Variants in FAM222A observed in about 807,000 individuals in gnomAD.
FAM222A encodes family with sequence similarity 222 member A.
Under a neutral mutation model 25.8 loss-of-function variants are expected in FAM222A, and 7 were observed. The ratio of observed to expected loss-of-function variants is 0.27; its 90% CI spans 0.15 to 0.51. The LOEUF is 0.51. Among genes scored for constraint, FAM222A ranks in the 20% least tolerant of loss-of-function variants. FAM222A has a pLI of 0.97. For synonymous variants in FAM222A, 294 were observed against 298.8 expected, an observed-to-expected ratio of 0.98 and a Z score of 0.17; for missense variants, 573 against 640.5, an observed-to-expected ratio of 0.89 and a Z score of 1.14.
intron 1 of FAM222A, chr12:109,735,562 G>T (rs962316270): frequency 6.6e-6 from 1 of 152,198 alleles, no homozygotes; most frequent in African/African-American, 2.4e-5. Flanking sequence ...GAGATACCGG[G>T]CCCCTCCCAT....
rs1296089446 is a variant in FAM222A, at chr12:109,747,656, C to T, written c.82+3428C>T. 2.0e-5 allele frequency among the ~76,000 whole-genome samples: 3 copies of T among 149,704 alleles called. No homozygotes were observed. In the Admixed American group the frequency reaches 2.0e-4, roughly 10 times the overall value. Reference sequence around the variant, plus strand: ...TTCATGTCTCTCGGGAATGTTTTAACATTTGCCTGGTTGAAATCTTCCACA... The same window carrying T: ...TTCATGTCTCTCGGGAATGTTTTAATATTTGCCTGGTTGAAATCTTCCACA... On this transcript the variant is annotated intron_variant, in intron 2 of 2. Transcript: ENST00000538780.
intron 1 of FAM222A, among the ~76,000 whole-genome samples, chr12:109,731,154 C>T (rs1204014556): frequency 1.3e-5 from 2 of 152,080 alleles, no homozygotes; most frequent in Non-Finnish European, 2.9e-5. Context: ...GGTGCTGTTT[C>T]GTCCTTCCTA....
chr12:109,744,266 C>G (rs1030836023), intron 2 of FAM222A, 38 bp downstream of exon 2: 1 of 1,589,726 alleles, frequency 6.3e-7, no homozygotes, highest in Admixed American at 1.7e-5. Flanking sequence ...CAGGGCAGGT[C>G]GTGGGCAGAG....
chr12:109,729,053 A>G (rs1384680454), intron 1 of FAM222A, among the ~76,000 whole-genome samples: 1 of 151,922 alleles, frequency 6.6e-6, no homozygotes, highest in Non-Finnish European at 1.5e-5. Flanking sequence ...TTCCAACTCC[A>G]AAGTCCCACT....
intron 2 of FAM222A, among the ~76,000 whole-genome samples, chr12:109,757,608 A>T (rs765852893): frequency 6.6e-6 from 1 of 152,246 alleles, no homozygotes; most frequent in African/African-American, 2.4e-5. Flanking sequence ...AATCCCCAGG[A>T]TAGAAAGGAT....
intron 2 of FAM222A, among the ~76,000 whole-genome samples, chr12:109,765,024 ACTT>A (rs1889003390): frequency 6.6e-6 from 1 of 151,952 alleles, no homozygotes; most frequent in Non-Finnish European, 1.5e-5. Context: ...AGAGCCACCT[ACTT>A]CTTCACTCCC....
intron 2 of FAM222A, among the ~76,000 whole-genome samples, chr12:109,766,923 T>A (rs1565849090): frequency 6.6e-6 from 1 of 152,118 alleles, no homozygotes; most frequent in Non-Finnish European, 1.5e-5. Flanking sequence ...TGAGACAAGG[T>A]CTTGCTCTAT....
At chr12:109,741,887 G>A (rs1289099191) in intron 1 of FAM222A, among the ~76,000 whole-genome samples, 1 of 152,208 alleles carries the variant, frequency 6.6e-6, no homozygotes, top group Non-Finnish European at 1.5e-5. Flanking sequence ...GTGGTGAGGG[G>A]GTAAGTGCAC....
chr12:109,744,259 G>A (rs1471713046), intron 2 of FAM222A, 31 bp downstream of exon 2: 1 of 1,597,106 alleles, frequency 6.3e-7, no homozygotes, highest in Admixed American at 1.7e-5. Context: ...GCCTTTGCAG[G>A]GCAGGTCGTG....
intron 1 of FAM222A, among the ~76,000 whole-genome samples, chr12:109,718,660 G>C (rs1025134685): frequency 4.6e-5 from 7 of 152,210 alleles, no homozygotes; most frequent in African/African-American, 1.7e-4. Flanking sequence ...TGTGCGTTGC[G>C]GGCCGCGGGA....
At chr12:109,723,644 C>G (rs569674545) in intron 1 of FAM222A, among the ~76,000 whole-genome samples, 1 of 152,342 alleles carries the variant, frequency 6.6e-6, no homozygotes, top group South Asian at 2.1e-4. Flanking sequence ...AGCTGCCTGG[C>G]TGTGCTCCCA....
rs371519740 is a variant in FAM222A, at chr12:109,729,374, C to T, written c.-47+14477C>T. ...AGGGGCATGCTGGGGGGTCTCAGGA[C>T]GGCTTGCCTTCCCCATCCCCGGCCA... On this transcript the variant is annotated intron_variant, in intron 1 of 2. Coordinates refer to ENST00000538780, the MANE Select transcript of FAM222A (RefSeq NM_032829.3). 3.3e-5 allele frequency among the ~76,000 whole-genome samples: 5 copies of T among 152,288 alleles called. No individual in the cohort carries two copies. The East Asian group carries it at 5.8e-4, about 18-fold the overall frequency.
At chr12:109,741,996 C>T (rs1317472089) in intron 1 of FAM222A, 1 of 152,346 alleles carries the variant, frequency 6.6e-6, no homozygotes, top group African/African-American at 2.4e-5. Flanking sequence ...GATCTCCCTC[C>T]TTTCCCCCAA....
chr12:109,759,246 G>T (rs1888819796), intron 2 of FAM222A, among the ~76,000 whole-genome samples: 1 of 152,182 alleles, frequency 6.6e-6, no homozygotes, highest in Non-Finnish European at 1.5e-5. Context: ...GCCCCAGAAT[G>T]CACCCCACAG....
chr12:109,748,247 T>C (rs950587739), intron 2 of FAM222A, among the ~76,000 whole-genome samples: 5 of 152,110 alleles, frequency 3.3e-5, no homozygotes, highest in Non-Finnish European at 5.9e-5. Context: ...ATGGTAAATA[T>C]TTCTTTATAA....
At chr12:109,763,645 G>A (rs115163748) in intron 2 of FAM222A, among the ~76,000 whole-genome samples, 1,602 of 152,330 alleles carry the variant, frequency 0.011, 30 homozygotes, top group African/African-American at 0.037. Flanking sequence ...CTGAGAGAGC[G>A]AGTGAGGAGG....
chr12:109,756,810 T>G (rs979610002), intron 2 of FAM222A, among the ~76,000 whole-genome samples: 2 of 152,210 alleles, frequency 1.3e-5, no homozygotes, highest in Non-Finnish European at 2.9e-5. Flanking sequence ...ATAGTTTTTT[T>G]GTGTGTAATA....
intron 1 of FAM222A, chr12:109,735,585 TC>T (rs1888063792): frequency 6.6e-6 from 1 of 152,168 alleles, no homozygotes; most frequent in African/African-American, 2.4e-5. Context: ...CCACTGTGGG[TC>T]TTACCTTTGC....
At chr12:109,739,401 A>C (rs1202060336) in intron 1 of FAM222A, among the ~76,000 whole-genome samples, 4 of 152,232 alleles carry the variant, frequency 2.6e-5, no homozygotes, top group Non-Finnish European at 4.4e-5. Flanking sequence ...CCGTCCTCCC[A>C]GTACATGGCA....
Sources: allele counts gnomAD v4.1 joint callset (sites outside exome capture counted in the v4.1 genomes callset), GRCh38; gene constraint gnomAD v4.1.1; transcripts MANE v1.5; gene names NCBI Gene and HGNC (gene_info 2026-07-23, HGNC 2026-07-21).